Variants in COPG1 observed in about 807,000 individuals in gnomAD.
COPG1 encodes coatomer subunit gamma-1.
Under a neutral mutation model 102.8 loss-of-function variants are expected in COPG1, and 29 were observed. The observed-to-expected ratio is 0.28, with a 90% CI of 0.21 to 0.38. COPG1 has a LOEUF of 0.38. Ranked by LOEUF, COPG1 falls within the 10% of genes least tolerant of loss-of-function variation. The pLI, the probability that COPG1 is intolerant of heterozygous loss-of-function variation, is 1.00. For synonymous variants in COPG1, 406 were observed against 421.6 expected (o/e 0.96, Z 0.45); for missense variants, 875 against 1,132.7 (o/e 0.77, Z 3.27).
chr3:129,255,620 T>C (rs1939794543), intron 7 of COPG1, among the ~76,000 whole-genome samples: 2 of 151,968 alleles, frequency 1.3e-5, no homozygotes, highest in Non-Finnish European at 2.9e-5. Context: ...GTAGCTGAGA[T>C]TGCAGGTGTG....
chr3:129,267,236 G>A (rs541576124), intron 15 of COPG1, 137 bp downstream of exon 15: 1 of 602,470 alleles, frequency 1.7e-6, no homozygotes, highest in African/African-American at 1.9e-5. Context: ...AAAAGAGAAA[G>A]CATAGAAAAG....
At chr3:129,253,257 A>T (rs1378155429) in intron 5 of COPG1, among the ~76,000 whole-genome samples, 1 of 152,204 alleles carries the variant, frequency 6.6e-6, no homozygotes, top group Non-Finnish European at 1.5e-5. Context: ...AAAAATAAAC[A>T]AGAGAGTACA....
At chr3:129,269,167 A>G (rs1474282074) in intron 18 of COPG1, among the ~76,000 whole-genome samples, 167 bp downstream of exon 18, 1 of 152,108 alleles carries the variant, frequency 6.6e-6, no homozygotes, top group Non-Finnish European at 1.5e-5. Flanking sequence ...GGTTCCTTCA[A>G]TATCTGAGGA....
Position 129,249,760 on chromosome 3 carries a change from G to C in COPG1, c.37+14G>C. 1 of 1,550,874 alleles carries C rather than the reference G, an allele frequency of 6.4e-7. No homozygotes were observed. The highest frequency in any genetic ancestry group is 1.4e-5 in the African/African-American group (1 of 73,174). On this transcript the variant is annotated intron_variant, in intron 1 of 23. Coordinates refer to ENST00000314797, the MANE Select transcript of COPG1 (RefSeq NM_016128.4). ...ATGAGGAGTCAGGTGAGGGGGCCAG[G>C]CCTGGGTCTGAGGGAGGCCGGACCC...
chr3:129,264,345 G>T (rs778063456), intron 13 of COPG1, among the ~76,000 whole-genome samples: 1 of 152,166 alleles, frequency 6.6e-6, no homozygotes, highest in Non-Finnish European at 1.5e-5. Context: ...TGTGAAACCG[G>T]TGCTAATAAT....
Position 129,265,639 on chromosome 3 carries a change from C to T in COPG1, c.1315C>T (p.Leu439=). 1 of 1,614,232 alleles carries T rather than the reference C, an allele frequency of 6.2e-7. No homozygotes were observed. Among genetic ancestry groups the T allele is most frequent in the Non-Finnish European group, 8.5e-7 (1 of 1,180,050 alleles). Residue 439 remains leucine (L), a synonymous_variant, in exon 14 of 24, where the codon CTG becomes TTG. Transcript: ENST00000314797. ...SESKETGLSH[L]CEFIEDCEFT... ...GAGCAAGGAGACAGGGCTGTCACAT[C>T]TGTGCGAGTTCATCGAGGACTGCGA...
chr3:129,272,723 C>A, intron 20 of COPG1, 84 bp from the exon 21 acceptor site: 3 of 811,598 alleles, frequency 3.7e-6, no homozygotes, highest in South Asian at 1.6e-5. Flanking sequence ...CAGGCTGTGA[C>A]CCCTGCCTGC....
At position 129,277,210 on chromosome 3, in the gene COPG1, A is replaced by G; in HGVS notation, c.2495-84A>G. The G allele has an allele frequency of 2.8e-6, 4 of 1,443,384 alleles. No homozygotes were observed. In the South Asian group the frequency reaches 4.7e-5, roughly 17 times the overall value. 89.4% of individuals were successfully genotyped at this position (1,443,384 alleles called of 1,614,324 possible). On this transcript the variant is annotated intron_variant, in intron 23 of 23. Coordinates refer to ENST00000314797, the MANE Select transcript of COPG1 (RefSeq NM_016128.4). ...GTTTCACTACACCAGAGCTGCCTTCATGGGTTGCTGCAAATGCCATCCTTA... is the reference window on the plus strand; with the variant it reads ...GTTTCACTACACCAGAGCTGCCTTCGTGGGTTGCTGCAAATGCCATCCTTA...
chr3:129,253,557 G>A (rs575634139), intron 5 of COPG1, among the ~76,000 whole-genome samples: 4 of 152,328 alleles, frequency 2.6e-5, no homozygotes, highest in African/African-American at 9.6e-5. Flanking sequence ...GGCCATTAAG[G>A]TAGGGTGTAA....
rs761460264 is a variant in COPG1 at position 129,268,029 on chromosome 3, A to G, written c.1637A>G (p.Tyr546Cys). ...AAGCAGAAGGCCCTTAATGCAGGCTATATCCTAAATGGTGAGTCATTCCCT... is the reference window on the plus strand; with the variant it reads ...AAGCAGAAGGCCCTTAATGCAGGCTGTATCCTAAATGGTGAGTCATTCCCT... ...EQKQKALNAG[Y>C]ILNGLTVSIP... is the part of the protein sequence containing the mutation. The change falls in exon 16 of 24, where the codon TAT (tyrosine) becomes TGT (cysteine). Residue 546 changes from tyrosine (Y) to cysteine (C), a missense_variant. By Grantham distance (194) the Tyr-to-Cys change is radical. Transcript: ENST00000314797. 1.4e-5 allele frequency: 23 copies of G among 1,613,366 alleles called. No homozygotes were observed. The East Asian group carries it at 2.9e-4, about 20-fold the overall frequency.
intron 10 of COPG1, among the ~76,000 whole-genome samples, chr3:129,258,096 T>G (rs1939853072): frequency 2.0e-5 from 3 of 152,212 alleles, no homozygotes; most frequent in Admixed American, 2.0e-4. Flanking sequence ...TCGGGTCCAC[T>G]CTGGAGCCTG....
intron 5 of COPG1, 163 bp from the exon 6 acceptor site, chr3:129,254,505 C>G (rs1474665052): frequency 8.8e-6 from 5 of 565,316 alleles, no homozygotes; most frequent in Admixed American, 3.2e-5. Context: ...TTATGAAACT[C>G]CCTCCAGCAG....
rs755646602 is a variant in COPG1 at position 129,274,824 on chromosome 3, C to T, written c.2257-14C>T. The T allele has an allele frequency of 1.7e-5, 28 of 1,613,432 alleles. No homozygotes were observed. The highest frequency in any genetic ancestry group is 2.3e-5 in the Non-Finnish European group (27 of 1,179,726). Reference sequence around the variant, plus strand: ...GTGTAGATGGGTGCCTGATTTCTACCTCCATCTCTCCAGCTGGAAGATCTG... The same window carrying T: ...GTGTAGATGGGTGCCTGATTTCTACTTCCATCTCTCCAGCTGGAAGATCTG... On this transcript the variant is annotated splice_polypyrimidine_tract_variant and intron_variant, in intron 21 of 23. Transcript: ENST00000314797.
intron 18 of COPG1, among the ~76,000 whole-genome samples, chr3:129,270,406 C>T (rs374070767): frequency 1.1e-4 from 17 of 152,108 alleles, no homozygotes; most frequent in African/African-American, 2.7e-4. Context: ...TTTACAACAA[C>T]GCTGTGATCA....
chr3:129,277,055 C>T (rs1395161161), intron 23 of COPG1, among the ~76,000 whole-genome samples: 2 of 151,972 alleles, frequency 1.3e-5, no homozygotes, highest in Non-Finnish European at 2.9e-5. Flanking sequence ...AATTCCTGAC[C>T]TCATGATCTG....
At position 129,257,646 on chromosome 3, in the gene COPG1, C is replaced by T; in HGVS notation, c.737+19C>T. ...ATGGCAGGTAACGGCTCTCATCTCT[C>T]ACCAGCTAGATGATGCCTCACTCAT... On this transcript the variant is annotated intron_variant, in intron 9 of 23. Transcript: ENST00000314797. 7 of 1,614,168 alleles carry T rather than the reference C, an allele frequency of 4.3e-6. No individual in the cohort carries two copies. Among genetic ancestry groups the T allele is most frequent in the South Asian group, 1.1e-5 (1 of 91,070 alleles).
intron 10 of COPG1, among the ~76,000 whole-genome samples, chr3:129,258,534 T>G (rs1275579926): frequency 6.6e-6 from 1 of 152,238 alleles, no homozygotes; most frequent in Non-Finnish European, 1.5e-5. Context: ...CTCAGCTCAC[T>G]GCAACCTCTG....
At position 129,254,751 on chromosome 3, in the gene COPG1, G is replaced by A. The variant is rs567971939; in HGVS notation, c.399+8G>A. On this transcript the variant is annotated splice_region_variant and intron_variant, in intron 6 of 23. Transcript: ENST00000314797. ...CTCTGCCAGATCACTGATGTGAGTCGTGCCGGTTCCTCCCTGCTTCCTGGC... is the reference window on the plus strand; with the variant it reads ...CTCTGCCAGATCACTGATGTGAGTCATGCCGGTTCCTCCCTGCTTCCTGGC... 1.0e-4 allele frequency: 165 copies of A among 1,611,890 alleles called. 2 individuals carry two copies. In the South Asian group the frequency reaches 1.4e-3, roughly 14 times the overall value.
chr3:129,263,378 G>C lies in COPG1; in HGVS notation c.1129-526G>C, dbSNP rs555602270. 7.2e-5 allele frequency among the ~76,000 whole-genome samples: 11 copies of C among 152,284 alleles called. No individual in the cohort carries two copies. In the East Asian group the frequency reaches 2.1e-3, roughly 29 times the overall value. On this transcript the variant is annotated intron_variant, in intron 12 of 23. Transcript: ENST00000314797. ...CTGTGGGCGCCAGGTGGAGTTGTCT[G>C]ACAGGCAGTTGGAAAAGGCAGGTCT... is the stretch of plus-strand genomic sequence containing the variant.
Sources: allele counts gnomAD v4.1 joint callset (sites outside exome capture counted in the v4.1 genomes callset), GRCh38; gene constraint gnomAD v4.1.1; transcripts MANE v1.5; gene names NCBI Gene and HGNC (gene_info 2026-07-23, HGNC 2026-07-21).